The following MALRD1 variants were observed in gnomAD, a reference collection of about 807,000 sequenced individuals.
MALRD1 encodes the protein MAM and LDL receptor class A domain containing 1.
MALRD1 carries 247 observed loss-of-function variants against 242.1 expected under a neutral mutation model. The observed-to-expected ratio is 1.02, with a 90% CI of 0.92 to 1.13. The LOEUF is 1.13. Ranked by LOEUF, MALRD1 falls within the 50% of genes most tolerant of loss-of-function variation. The pLI, the probability that MALRD1 is intolerant of heterozygous loss-of-function variation, is 0.00. For synonymous variants in MALRD1, 995 were observed against 866.6 expected, an observed-to-expected ratio of 1.15 and a Z score of -2.60; for missense variants, 2,989 against 2,533.1, an observed-to-expected ratio of 1.18 and a Z score of -3.86.
At chr10:19,237,233 T>C (rs1838360142) in intron 18 of MALRD1, among the ~76,000 whole-genome samples, 1 of 151,566 alleles carries the variant, frequency 6.6e-6, no homozygotes, top group African/African-American at 2.4e-5. Flanking sequence ...CTAAAACTTA[T>C]TCTTCCTATA....
At chr10:19,686,243 G>A (rs1392922054) in intron 36 of MALRD1, among the ~76,000 whole-genome samples, 2 of 152,152 alleles carry the variant, frequency 1.3e-5, no homozygotes, top group African/African-American at 2.4e-5. Context: ...ACATTTTGAC[G>A]TTTGACTTGG....
At chr10:19,695,644 T>A (rs1446029907) in intron 38 of MALRD1, among the ~76,000 whole-genome samples, 1 of 151,632 alleles carries the variant, frequency 6.6e-6, no homozygotes, top group African/African-American at 2.4e-5. Flanking sequence ...CTCAGCCTCC[T>A]GAGTAGCTGG....
intron 36 of MALRD1, among the ~76,000 whole-genome samples, chr10:19,682,499 C>G (rs935452496): frequency 1.1e-4 from 16 of 152,110 alleles, no homozygotes; most frequent in Admixed American, 1.3e-4. Context: ...AAAACAGGCT[C>G]TTATGCATGA....
intron 18 of MALRD1, among the ~76,000 whole-genome samples, chr10:19,244,223 C>T (rs1313418817): frequency 6.6e-6 from 1 of 152,070 alleles, no homozygotes; most frequent in Non-Finnish European, 1.5e-5. Context: ...TCACTGGTTC[C>T]TTAGGCTTCT....
At chr10:19,054,963 A>G (rs1417645903) in intron 1 of MALRD1, among the ~76,000 whole-genome samples, 1 of 152,174 alleles carries the variant, frequency 6.6e-6, no homozygotes, top group Non-Finnish European at 1.5e-5. Flanking sequence ...TTAATATTTG[A>G]GAAAGCTCTG....
chr10:19,322,950 C>T (rs966639051), intron 21 of MALRD1, among the ~76,000 whole-genome samples: 10 of 152,014 alleles, frequency 6.6e-5, no homozygotes, highest in Non-Finnish European at 1.3e-4. Flanking sequence ...CTTCAAAAAG[C>T]TGTATATAAC....
chr10:19,248,254 G>A (rs1243000158), intron 18 of MALRD1, among the ~76,000 whole-genome samples: 1 of 151,806 alleles, frequency 6.6e-6, no homozygotes, highest in East Asian at 1.9e-4. Context: ...TCAAAAGCAG[G>A]TATTATTTTC....
chr10:19,535,208 T>C (rs960854068), intron 32 of MALRD1, among the ~76,000 whole-genome samples: 4 of 152,138 alleles, frequency 2.6e-5, no homozygotes, highest in Non-Finnish European at 5.9e-5. Context: ...TCTCAATGTT[T>C]ACCCTAGTAA....
At chr10:19,104,482 A>G (rs989496230) in intron 5 of MALRD1, among the ~76,000 whole-genome samples, 3 of 152,106 alleles carry the variant, frequency 2.0e-5, no homozygotes, top group Admixed American at 6.5e-5. Context: ...GTTATAATCT[A>G]TTTTCTATTT....
At chr10:19,638,101 CAAAAAAAAAAA>C (rs56865342) in intron 36 of MALRD1, among the ~76,000 whole-genome samples, 48 of 41,920 alleles carry the variant, frequency 1.1e-3, no homozygotes, top group Admixed American at 3.0e-3. Context: ...AACTCACTCT[CAAAAAAAAAAA>C]AAAAAAAAAA....
chr10:19,227,280 G>T (rs1014689876), intron 18 of MALRD1, among the ~76,000 whole-genome samples: 2 of 151,836 alleles, frequency 1.3e-5, no homozygotes, highest in African/African-American at 4.8e-5. Flanking sequence ...GAACTTACTG[G>T]CATGAAGAAG....
At chr10:19,642,229 CTTGG>C (rs1840420617) in intron 36 of MALRD1, among the ~76,000 whole-genome samples, 1 of 152,102 alleles carries the variant, frequency 6.6e-6, no homozygotes. Flanking sequence ...TCTAATGAAT[CTTGG>C]TAGTTAATTC....
At chr10:19,172,202 T>C (rs1835044635) in intron 13 of MALRD1, among the ~76,000 whole-genome samples, 1 of 145,848 alleles carries the variant, frequency 6.9e-6, no homozygotes, top group Non-Finnish European at 1.5e-5. Flanking sequence ...TACACATATA[T>C]ATATGTATAT....
At position 19,730,727 on chromosome 10, in the gene MALRD1, C is replaced by G; in HGVS notation, c.6336C>G (p.Asn2112Lys). 1 of 1,536,590 alleles carries G rather than the reference C, an allele frequency of 6.5e-7. No individual in the cohort carries two copies. The highest frequency in any genetic ancestry group is 8.7e-7 in the Non-Finnish European group (1 of 1,147,024). Residue 2112 changes from asparagine (N) to lysine (K), a missense_variant, in exon 39 of 40, where the codon AAC (asparagine) becomes AAG (lysine). Transcript: ENST00000454679. ...TAAGGAAAACCGAGGGAAGTGGTAACTGTGCCTTTGTCAATCCAGTTTACG... is the reference window on the plus strand; with the variant it reads ...TAAGGAAAACCGAGGGAAGTGGTAAGTGTGCCTTTGTCAATCCAGTTTACG... ...VPIRKTEGSG[N>K]CAFVNPVYGN...
intron 5 of MALRD1, among the ~76,000 whole-genome samples, chr10:19,121,732 A>G (rs1837073137): frequency 6.6e-6 from 1 of 152,146 alleles, no homozygotes; most frequent in African/African-American, 2.4e-5. Flanking sequence ...CCGCTCCTAC[A>G]GGGGGCAAAG....
At chr10:19,524,902 CTAT>C (rs3045382) in intron 31 of MALRD1, among the ~76,000 whole-genome samples, 2,938 of 150,008 alleles carry the variant, frequency 0.02, 28 homozygotes, top group Non-Finnish European at 0.031. Flanking sequence ...AATTTTATTA[CTAT>C]TATTATTATT....
At position 19,319,381 on chromosome 10, in the gene MALRD1, T is replaced by A. The variant is rs186880461; in HGVS notation, c.3420-4568T>A. On this transcript the variant is annotated intron_variant, in intron 21 of 39. Coordinates refer to ENST00000454679, the MANE Select transcript of MALRD1 (RefSeq NM_001142308.3). ...TTATTCAGTTCATTTATAAAAAACG[T>A]TATTCTTTCCATCAGTACTTCACAA... Among the ~76,000 whole-genome samples the A allele has an allele frequency of 3.1e-3, 474 of 152,228 alleles. 2 individuals are homozygous for A. The highest frequency in any genetic ancestry group is 0.011 in the African/African-American group (443 of 41,544).
At chr10:19,082,703 G>A (rs1835532772) in intron 2 of MALRD1, among the ~76,000 whole-genome samples, 1 of 151,658 alleles carries the variant, frequency 6.6e-6, no homozygotes, top group Non-Finnish European at 1.5e-5. Flanking sequence ...TGGACCTCTG[G>A]AAATCAGATG....
At chr10:19,471,561 G>A (rs536349492) in intron 29 of MALRD1, among the ~76,000 whole-genome samples, 1 of 150,546 alleles carries the variant, frequency 6.6e-6, no homozygotes, top group Non-Finnish European at 1.5e-5. Flanking sequence ...TTCAATTCAT[G>A]AACATGGGAT....
Sources: allele counts gnomAD v4.1 joint callset (sites outside exome capture counted in the v4.1 genomes callset), GRCh38; gene constraint gnomAD v4.1.1; transcripts MANE v1.5; gene names NCBI Gene and HGNC (gene_info 2026-07-23, HGNC 2026-07-21).